The following PALM3 variants were observed in gnomAD, a reference collection of about 807,000 sequenced individuals.
PALM3 encodes paralemmin 3, also known as paralemmin-3.
Under a neutral mutation model 27.9 loss-of-function variants are expected in PALM3, and 20 were observed. That is an observed-to-expected ratio of 0.72 (90% confidence interval 0.50 to 1.04). The LOEUF is 1.04. Among genes scored for constraint, PALM3 ranks in the 50% least tolerant of loss-of-function variants. The pLI is 0.00. For synonymous variants in PALM3, 328 were observed against 352.7 expected (o/e 0.93, Z 0.79); for missense variants, 814 against 869.4 (o/e 0.94, Z 0.80).
Position 14,053,538 on chromosome 19 carries a change from T to A in PALM3, c.*67A>T. 1 of 1,424,062 alleles carries A rather than the reference T, an allele frequency of 7.0e-7. No individual in the cohort carries two copies. The highest frequency in any genetic ancestry group is 9.2e-7 in the Non-Finnish European group (1 of 1,086,850). The allele number at this position is 1,424,062 out of a possible 1,614,324, so 88.2% of individuals were successfully genotyped here. On this transcript the variant is annotated 3_prime_UTR_variant, in exon 7 of 7. Coordinates refer to ENST00000669674, the MANE Select transcript of PALM3 (RefSeq NM_001145028.2). ...TGGTCCCTGTCTGTGCCTGGGACCC[T>A]CTTCTGGGTGCCAAGAGGCCGAGGT...
intron 1 of PALM3, among the ~76,000 whole-genome samples, chr19:14,060,066 CCTGA>C (rs986106583): frequency 6.6e-5 from 10 of 152,102 alleles, no homozygotes; most frequent in South Asian, 2.1e-4. Flanking sequence ...ATTGGGCACC[CCTGA>C]CTATGTTGCT....
Position 14,053,935 on chromosome 19 carries a change from A to G in PALM3, c.1737T>C (p.Ala579=). The G allele has an allele frequency of 6.4e-7, 1 of 1,551,574 alleles. No homozygotes were observed. The highest frequency in any genetic ancestry group is 8.7e-7 in the Non-Finnish European group (1 of 1,146,918). The change falls in exon 7 of 7, where the codon GCT becomes GCC. Residue 579 remains alanine, a synonymous_variant. Transcript: ENST00000669674. ...EMNEAGPPLE[A]NTETRPEKEG... is the part of the protein sequence containing the mutation. The stretch of plus-strand genomic sequence containing the variant: ...CCTTCTCTGGCCTTGTCTCCGTGTT[A>G]GCCTCAAGGGGAGGCCCTGCCTCAT...
At chr19:14,061,386 A>G (rs1465562204) in intron 1 of PALM3, among the ~76,000 whole-genome samples, 2 of 152,166 alleles carry the variant, frequency 1.3e-5, no homozygotes, top group East Asian at 3.8e-4. Context: ...CCCCTCAGCT[A>G]TGAAAAGACT....
Position 14,053,487 on chromosome 19 carries a change from G to A in PALM3, c.*118C>T. 8.2e-7 allele frequency: 1 copy of A among 1,214,644 alleles called. No individual in the cohort carries two copies. Among genetic ancestry groups the A allele is most frequent in the Non-Finnish European group, 1.1e-6 (1 of 916,152 alleles). The allele number at this position is 1,214,644 out of a possible 1,614,324, so 75.2% of individuals were successfully genotyped here. A position where few individuals can be genotyped will look rare whatever the true frequency, so the allele number is the denominator to read the frequency against. On this transcript the variant is annotated 3_prime_UTR_variant, in exon 7 of 7. Transcript: ENST00000669674. ...TTTAGGTGGACGTGCAGGCTAGCTGGCTCCCAGGTGCCATGGCCAGTCCTG... is the reference window on the plus strand; with the variant it reads ...TTTAGGTGGACGTGCAGGCTAGCTGACTCCCAGGTGCCATGGCCAGTCCTG...
chr19:14,056,159 T>C (rs1976300548), intron 5 of PALM3, among the ~76,000 whole-genome samples: 1 of 152,304 alleles, frequency 6.6e-6, no homozygotes, highest in East Asian at 1.9e-4. Flanking sequence ...TCCGCCCACC[T>C]CGGCCTCCCA....
chr19:14,056,952 G>C, intron 3 of PALM3, 148 bp from the exon 4 acceptor site: 1 of 813,634 alleles, frequency 1.2e-6, no homozygotes, highest in Non-Finnish European at 1.9e-6. Flanking sequence ...CATGGCCACA[G>C]TGCCCCCCAA....
chr19:14,054,399 G>A lies in PALM3; in HGVS notation c.1273C>T (p.Pro425Ser). ...ESMGIGSEEK[P>S]GTGRDEAEMS... ...TCCGCTTCATCCCTCCCTGTCCCTG[G>A]CTTTTCCTCACTTCCTATTCCCATG... The change falls in exon 7 of 7, where the codon CCA becomes TCA. Residue 425 changes from proline (P) to serine (S), a missense_variant. Coordinates refer to ENST00000669674, the MANE Select transcript of PALM3 (RefSeq NM_001145028.2). 6.4e-7 allele frequency: 1 copy of A among 1,551,458 alleles called. No individual in the cohort carries two copies. The highest frequency in any genetic ancestry group is 2.4e-5 in the East Asian group (1 of 40,872).
Position 14,059,181 on chromosome 19 carries a change from G to A in PALM3, c.42-18C>T. On this transcript the variant is annotated intron_variant, in intron 1 of 6. Coordinates refer to ENST00000669674, the MANE Select transcript of PALM3 (RefSeq NM_001145028.2). ...CCATGGGCCTGTTGGGAGAGGGCAG[G>A]GGCTTCGAGGGGCTCCCATCTTGAA... 4 of 1,441,726 alleles carry A rather than the reference G, an allele frequency of 2.8e-6. No individual in the cohort carries two copies. Among genetic ancestry groups the A allele is most frequent in the Non-Finnish European group, 3.6e-6 (4 of 1,100,564 alleles). 89.3% of individuals were successfully genotyped at this position (1,441,726 alleles called of 1,614,324 possible).
At chr19:14,056,160 C>T (rs947264650) in intron 5 of PALM3, among the ~76,000 whole-genome samples, 1 of 152,218 alleles carries the variant, frequency 6.6e-6, no homozygotes, top group South Asian at 2.1e-4. Flanking sequence ...CCGCCCACCT[C>T]GGCCTCCCAA....
intron 2 of PALM3, among the ~76,000 whole-genome samples, 193 bp downstream of exon 2, chr19:14,058,922 G>T (rs879533846): frequency 4.3e-4 from 66 of 152,048 alleles, no homozygotes; most frequent in Non-Finnish European, 6.8e-4. Flanking sequence ...AAGTGTGGGG[G>T]CCACAGCTCC....
rs1459231263 is a variant in PALM3, at chr19:14,055,371, C to T, written c.445+9G>A. The T allele has an allele frequency of 6.5e-7, 1 of 1,549,976 alleles. No individual in the cohort carries two copies. The highest frequency in any genetic ancestry group is 8.7e-7 in the Non-Finnish European group (1 of 1,146,836). On this transcript the variant is annotated intron_variant, in intron 6 of 6. Transcript: ENST00000669674. ...CCTGACCCCCAGACCTAGGGGCTCC[C>T]ACACTTACCTACAGAACCTGCCTCG...
chr19:14,054,307 T>C lies in PALM3; in HGVS notation c.1365A>G (p.Ala455=). ...KKLELESRGS[A]EKLGTEREGG... ...CTTCCCTCTCTGTTCCCAGCTTTTC[T>C]GCACTTCCTCTGCTCTCCAGCTCCA... is the stretch of plus-strand genomic sequence containing the variant. Residue 455 remains alanine (A), a synonymous_variant, in exon 7 of 7, where the codon GCA becomes GCG. Coordinates refer to ENST00000669674, the MANE Select transcript of PALM3 (RefSeq NM_001145028.2). 1 of 1,552,328 alleles carries C rather than the reference T, an allele frequency of 6.4e-7. No homozygotes were observed. The highest frequency in any genetic ancestry group is 1.2e-5 in the South Asian group (1 of 84,056).
intron 3 of PALM3, 59 bp from the exon 4 acceptor site, chr19:14,056,863 C>T: frequency 6.8e-7 from 1 of 1,461,878 alleles, no homozygotes; most frequent in Non-Finnish European, 9.1e-7. Context: ...CATGTAAAGT[C>T]CCCTCCCGAC....
chr19:14,054,426 A>G lies in PALM3; in HGVS notation c.1246T>C (p.Ser416Pro), dbSNP rs1976255492. The G allele has an allele frequency of 1.3e-6, 2 of 1,550,702 alleles. No homozygotes were observed. The highest frequency in any genetic ancestry group is 1.7e-6 in the Non-Finnish European group (2 of 1,146,730). ...TTTTCCTCACTTCCTATTCCCATGG[A>G]TTCTTCCGCTTTTCTCTTCTCTGCC... ...WEAEKRKAEESMGIGSEEKPG... is the reference protein window; with the variant it reads ...WEAEKRKAEEPMGIGSEEKPG... Residue 416 changes from serine (S) to proline (P), a missense_variant, in exon 7 of 7, where the codon TCC (serine) becomes CCC (proline). Coordinates refer to ENST00000669674, the MANE Select transcript of PALM3 (RefSeq NM_001145028.2).
At chr19:14,060,678 G>A (rs1385991937) in intron 1 of PALM3, among the ~76,000 whole-genome samples, 1 of 152,148 alleles carries the variant, frequency 6.6e-6, no homozygotes, top group Non-Finnish European at 1.5e-5. Flanking sequence ...GGGGGTGGGG[G>A]TGCAGGTCTA....
Position 14,056,467 on chromosome 19 carries a change from G to A in PALM3, c.361C>T (p.Gln121Ter). 6.4e-7 allele frequency: 1 copy of A among 1,551,598 alleles called. No homozygotes were observed. The highest frequency in any genetic ancestry group is 8.7e-7 in the Non-Finnish European group (1 of 1,146,944). Residue 121 changes from glutamine to a stop codon, truncating the protein, a stop_gained, in exon 5 of 7, where the codon CAG becomes TAG. Coordinates refer to ENST00000669674, the MANE Select transcript of PALM3 (RefSeq NM_001145028.2). LOFTEE classifies it high-confidence loss of function. ...CTGGGCCTGCCTGAGGGCTTGTGCTGGGCACCTGTGGAAGCACTTTGCAAC... is the reference window on the plus strand; with the variant it reads ...CTGGGCCTGCCTGAGGGCTTGTGCTAGGCACCTGTGGAAGCACTTTGCAAC... ...QLLQSASTGA[Q>*]HKPSGRPSWR...
Position 14,057,397 on chromosome 19 carries a change from G to T in PALM3, c.125C>A (p.Ala42Glu). ...TTTCTCCTCCTCCACCTCCCGGCGC[G>T]CGGCGCGGATCTCCTCCTGCAGCCG... ...KRRLQEEIRA[A>E]RREVEEEKLR... The change falls in exon 3 of 7, where the codon GCG becomes GAG. Residue 42 changes from alanine (A) to glutamate (E), a missense_variant. By Grantham distance (107) the Ala-to-Glu change is moderately radical. Coordinates refer to ENST00000669674, the MANE Select transcript of PALM3 (RefSeq NM_001145028.2). 2 of 1,543,880 alleles carry T rather than the reference G, an allele frequency of 1.3e-6. No individual in the cohort carries two copies.
Position 14,054,353 on chromosome 19 carries a change from C to A in PALM3, c.1319G>T (p.Arg440Met). The change falls in exon 7 of 7, where the codon AGG (arginine) becomes ATG (methionine). Residue 440 changes from arginine (R) to methionine (M), a missense_variant. Transcript: ENST00000669674. ...CTCCAACTTCTTCTCTCCTCCTTTCCTCTCTACCACTGGTGACATCTCCGC... is the reference window on the plus strand; with the variant it reads ...CTCCAACTTCTTCTCTCCTCCTTTCATCTCTACCACTGGTGACATCTCCGC... ...DEAEMSPVVE[R>M]KGGEKKLELE... The A allele has an allele frequency of 2.6e-6, 4 of 1,552,194 alleles. No individual in the cohort carries two copies. The highest frequency in any genetic ancestry group is 3.5e-6 in the Non-Finnish European group (4 of 1,147,118).
Position 14,055,434 on chromosome 19 carries a change from A to T in PALM3, c.400-9T>A, listed in dbSNP as rs1210559610. 6.4e-7 allele frequency: 1 copy of T among 1,551,438 alleles called. No homozygotes were observed. ...GAGAGAGGACGGTGACCCTGCAGAG[A>T]TGGCGGAGACAAGGTCAGGCTGGCC... On this transcript the variant is annotated splice_polypyrimidine_tract_variant and intron_variant, in intron 5 of 6. Transcript: ENST00000669674.
Sources: gnomAD v4.1 joint callset for allele counts (sites outside exome capture counted in the v4.1 genomes callset) on GRCh38, gnomAD v4.1.1 for gene constraint, MANE v1.5 for transcripts, NCBI Gene and HGNC (gene_info 2026-07-23, HGNC 2026-07-21) for gene names.